Variants in RBM17 observed in about 807,000 individuals in gnomAD.
RBM17 encodes the protein splicing factor 45.
Under a neutral mutation model 53.2 loss-of-function variants are expected in RBM17, and 7 were observed. The observed-to-expected ratio is 0.13, with a 90% CI of 0.07 to 0.25. The LOEUF (loss-of-function observed/expected upper bound fraction) is 0.25, where lower values mean the gene tolerates loss of function less well. RBM17 is among the 10% of genes least tolerant of loss of function. The pLI is 1.00. For missense variants in RBM17, 257 were observed against 496.7 expected (o/e 0.52, Z 4.59); for synonymous variants, 167 against 178.1 (o/e 0.94, Z 0.50).
intron 3 of RBM17, among the ~76,000 whole-genome samples, chr10:6,102,368 G>T (rs1270902865): frequency 1.3e-5 from 2 of 152,140 alleles, no homozygotes; most frequent in African/African-American, 4.8e-5. Flanking sequence ...TGCCTGTCCT[G>T]CTTATGTTCT....
intron 2 of RBM17, among the ~76,000 whole-genome samples, chr10:6,098,593 T>TG (rs1840620172): frequency 3.2e-5 from 4 of 125,206 alleles, no homozygotes; most frequent in Non-Finnish European, 1.7e-5. Context: ...TTTTTTTTTT[T>TG]GAGACGTAGT....
At chr10:6,090,771 C>T (rs1281684857) in intron 1 of RBM17, among the ~76,000 whole-genome samples, 1 of 151,912 alleles carries the variant, frequency 6.6e-6, no homozygotes, top group Non-Finnish European at 1.5e-5. Context: ...GTTTGCAATA[C>T]TAGCCTATGG....
chr10:6,115,426 A>G, intron 11 of RBM17, 27 bp from the exon 12 acceptor site: 1 of 1,558,168 alleles, frequency 6.4e-7, no homozygotes, highest in Non-Finnish European at 8.9e-7. Flanking sequence ...GGATACCTGT[A>G]TTAACTGTCT....
intron 5 of RBM17, among the ~76,000 whole-genome samples, chr10:6,107,542 C>T (rs988144628): frequency 1.7e-5 from 2 of 120,422 alleles, no homozygotes; most frequent in African/African-American, 3.2e-5. Flanking sequence ...AGTGCAGTGG[C>T]GCCATCTCGG....
At position 6,115,629 on chromosome 10, in the gene RBM17, G is replaced by C; in HGVS notation, c.*73G>C. 1.1e-6 allele frequency: 1 copy of C among 945,034 alleles called. No homozygotes were observed. Among genetic ancestry groups the C allele is most frequent in the Non-Finnish European group, 1.7e-6 (1 of 581,122 alleles). 58.5% of individuals were successfully genotyped at this position (945,034 alleles called of 1,614,324 possible). On this transcript the variant is annotated 3_prime_UTR_variant, in exon 12 of 12. Transcript: ENST00000379888. ...TGCAGGCTGAGAAAAGAAGGAAAAA[G>C]GTCACAGCCTCCATGGCTGTTGCAT...
chr10:6,115,349 T>C (rs1236161113), intron 11 of RBM17, 38 bp downstream of exon 11: 1 of 1,564,548 alleles, frequency 6.4e-7, no homozygotes, highest in Non-Finnish European at 8.8e-7. Context: ...ATAAAAAAGT[T>C]GAATTTACAG....
intron 1 of RBM17, among the ~76,000 whole-genome samples, chr10:6,091,011 A>ATTTATATATT (rs1415088682): frequency 3.2e-5 from 2 of 62,168 alleles, no homozygotes; most frequent in East Asian, 4.8e-4. Context: ...ATATATAAAT[A>ATTTATATATT]TTTATATATT....
intron 2 of RBM17, among the ~76,000 whole-genome samples, chr10:6,099,469 A>C (rs1219092640): frequency 6.6e-6 from 1 of 151,448 alleles, no homozygotes; most frequent in East Asian, 1.9e-4. Flanking sequence ...TGGTTCCAGG[A>C]CCCCCCTGCC....
At chr10:6,093,741 GT>G (rs1159301269) in intron 1 of RBM17, among the ~76,000 whole-genome samples, 1 of 152,150 alleles carries the variant, frequency 6.6e-6, no homozygotes, top group Non-Finnish European at 1.5e-5. Flanking sequence ...GACCAGAAGT[GT>G]TTCAGATTTC....
Position 6,091,013 on chromosome 10 carries a change from TTATATATTTA to T in RBM17, c.-19+1836_-19+1845del, listed in dbSNP as rs371047214. 9.1e-3 allele frequency among the ~76,000 whole-genome samples: 1,031 copies of T among 113,874 alleles called. 16 individuals are homozygous for T. Among genetic ancestry groups the T allele is most frequent in the African/African-American group, 0.029 (985 of 34,122 alleles). The allele number at this position is 113,874 out of a possible 152,430, so 74.7% of individuals were successfully genotyped here. On this transcript the variant is annotated intron_variant, in intron 1 of 11. Coordinates refer to ENST00000379888, the MANE Select transcript of RBM17 (RefSeq NM_032905.5). ...TATATGTATATAAATATATAAATAT[TTATATATTTA>T]TATATATTTATATATTTTTATATAT...
intron 4 of RBM17, among the ~76,000 whole-genome samples, chr10:6,105,838 G>A (rs549818387): frequency 6.6e-6 from 1 of 152,222 alleles, no homozygotes; most frequent in East Asian, 1.9e-4. Context: ...TGAAATGATT[G>A]AACTATTACT....
chr10:6,096,380 G>C (rs963240607), intron 1 of RBM17, among the ~76,000 whole-genome samples: 1 of 152,090 alleles, frequency 6.6e-6, no homozygotes, highest in Non-Finnish European at 1.5e-5. Flanking sequence ...CTGCTGACTC[G>C]GTTTTTGTTT....
intron 3 of RBM17, among the ~76,000 whole-genome samples, chr10:6,103,850 G>A (rs1298848622): frequency 6.6e-6 from 1 of 152,136 alleles, no homozygotes; most frequent in East Asian, 1.9e-4. Context: ...GTTCAAGCAG[G>A]AAACACGTTT....
intron 7 of RBM17, among the ~76,000 whole-genome samples, chr10:6,111,193 C>T (rs1376028151): frequency 6.6e-6 from 1 of 152,164 alleles, no homozygotes; most frequent in Non-Finnish European, 1.5e-5. Context: ...GGCTTAAGCC[C>T]TAAGCAGCAG....
rs1021789099 is a variant in RBM17 at position 6,116,361 on chromosome 10, T to C, written c.*805T>C. 6.6e-6 allele frequency: 1 copy of C among 152,380 alleles called. No individual in the cohort carries two copies. The highest frequency in any genetic ancestry group is 2.4e-5 in the African/African-American group (1 of 41,460). The allele number at this position is 152,380 out of a possible 1,614,324, so 9.4% of individuals were successfully genotyped here. On this transcript the variant is annotated 3_prime_UTR_variant, in exon 12 of 12. Coordinates refer to ENST00000379888, the MANE Select transcript of RBM17 (RefSeq NM_032905.5). ...TGGCAGTTCCTTGGGGTCATGTTTC[T>C]ACTGGCAAAATTTGCAATAGTGTTC...
chr10:6,104,882 A>G (rs1365157503), intron 3 of RBM17, 49 bp from the exon 4 acceptor site: 1 of 1,527,470 alleles, frequency 6.5e-7, no homozygotes, highest in Admixed American at 1.7e-5. Flanking sequence ...CTGTGAGTAA[A>G]CTGGTAAGAT....
At chr10:6,098,732 C>T (rs917865668) in intron 2 of RBM17, among the ~76,000 whole-genome samples, 3 of 152,066 alleles carry the variant, frequency 2.0e-5, no homozygotes, top group Admixed American at 6.6e-5. Flanking sequence ...CCCACCACTG[C>T]GCCTGCGGTG....
At chr10:6,091,008 A>AATATTTAT (rs1356466535) in intron 1 of RBM17, among the ~76,000 whole-genome samples, 1 of 72,438 alleles carries the variant, frequency 1.4e-5, no homozygotes, top group East Asian at 2.8e-4. Context: ...TAAATATATA[A>AATATTTAT]ATATTTATAT....
At chr10:6,096,664 A>G (rs756264431) in intron 1 of RBM17, among the ~76,000 whole-genome samples, 6 of 152,174 alleles carry the variant, frequency 3.9e-5, no homozygotes, top group Non-Finnish European at 7.3e-5. Context: ...TGCTACATCA[A>G]CCTGCTAATT....
Sources: allele counts gnomAD v4.1 joint callset (sites outside exome capture counted in the v4.1 genomes callset), GRCh38; gene constraint gnomAD v4.1.1; transcripts MANE v1.5; gene names NCBI Gene and HGNC (gene_info 2026-07-23, HGNC 2026-07-21).